The following ABCA10 variants were observed in gnomAD, a reference collection of about 807,000 sequenced individuals.
ABCA10 encodes the protein ATP-binding cassette sub-family A member 10.
In ABCA10, 169 loss-of-function variants were observed where a neutral mutation model predicts 187.5. The observed-to-expected ratio is 0.90, with a 90% CI of 0.80 to 1.02. The LOEUF is 1.02. Ranked by LOEUF, ABCA10 falls within the 50% of genes least tolerant of loss-of-function variation. The probability of loss-of-function intolerance (pLI) is 0.00; values close to 1 mark genes in which losing one functional copy is unlikely to be tolerated. For missense variants in ABCA10, 1,727 were observed against 1,812.4 expected, an observed-to-expected ratio of 0.95 and a Z score of 0.86; for synonymous variants, 574 against 601.8, an observed-to-expected ratio of 0.95 and a Z score of 0.68.
rs185947290 is a variant in ABCA10 at position 69,164,127 on chromosome 17, G to C, written c.3310C>G (p.Leu1104Val). The C allele has an allele frequency of 1.6e-5, 26 of 1,586,320 alleles. No homozygotes were observed. The highest frequency in any genetic ancestry group is 2.1e-5 in the Non-Finnish European group (25 of 1,170,542). ...TTGACTTCATTTATTCTATTGTCCA[G>C]ACTGTCCAAGTTTCTCATAAAGTCG... The part of the protein sequence containing the change: ...QLDFMRNLDS[L>V]DNRINEVNKT... Residue 1104 changes from leucine to valine, a missense_variant, in exon 27 of 39, where the codon CTG becomes GTG. Physicochemically the swap from Leu to Val is conservative, Grantham distance 32 (BLOSUM62 1). Coordinates refer to ENST00000690296, the MANE Select transcript of ABCA10 (RefSeq NM_001377321.1).
intron 1 of ABCA10, among the ~76,000 whole-genome samples, chr17:69,243,079 C>A (rs978610260): frequency 6.6e-6 from 1 of 152,116 alleles, no homozygotes; most frequent in African/African-American, 2.4e-5. Flanking sequence ...AACTGAGAAA[C>A]CTAATTAGCA....
intron 36 of ABCA10, among the ~76,000 whole-genome samples, 157 bp downstream of exon 36, chr17:69,151,886 A>C (rs972506589): frequency 2.0e-5 from 3 of 152,150 alleles, no homozygotes; most frequent in African/African-American, 7.2e-5. Context: ...ATAACTGTTT[A>C]GTTTTTGTAA....
intron 22 of ABCA10, among the ~76,000 whole-genome samples, chr17:69,181,140 T>C (rs1311793622): frequency 1.3e-5 from 2 of 152,166 alleles, no homozygotes; most frequent in African/African-American, 4.8e-5. Flanking sequence ...CATATACATA[T>C]GTGGGTGTGT....
chr17:69,160,919 G>T (rs539135703), intron 27 of ABCA10, among the ~76,000 whole-genome samples: 1 of 152,254 alleles, frequency 6.6e-6, no homozygotes, highest in South Asian at 2.1e-4. Flanking sequence ...TATTTATCCA[G>T]AAGAACTGAA....
chr17:69,154,402 C>T lies in ABCA10; in HGVS notation c.3695-76G>A, dbSNP rs1267587513. 9.9e-6 allele frequency: 7 copies of T among 706,012 alleles called. 1 individual carries two copies. The Admixed American group carries it at 1.9e-4, about 20-fold the overall frequency. 43.7% of individuals were successfully genotyped at this position (706,012 alleles called of 1,614,324 possible). On this transcript the variant is annotated intron_variant, in intron 30 of 38. Coordinates refer to ENST00000690296, the MANE Select transcript of ABCA10 (RefSeq NM_001377321.1). ...TAAAATTGCTTGGTTGGTTGCATAA[C>T]ATTTTGAAACAAAATGACTTTTTTT... is the stretch of plus-strand genomic sequence containing the variant.
rs67858017 is a variant in ABCA10, at chr17:69,208,417, C to CAAAAA, written c.1006+6282_1006+6286dup. ...GAGGGGACAGGGCGAGACTCTGTCT[C>CAAAAA]AAAAAAAAAAAAAAAAAAAAAAAAG... On this transcript the variant is annotated intron_variant, in intron 9 of 38. Transcript: ENST00000690296. Among the ~76,000 whole-genome samples, 241 of 89,386 alleles carry CAAAAA rather than the reference C, an allele frequency of 2.7e-3. 9 individuals are homozygous for CAAAAA. The highest frequency in any genetic ancestry group is 0.01 in the African/African-American group (225 of 22,020). The allele number at this position is 89,386 out of a possible 152,430, so 58.6% of individuals were successfully genotyped here.
rs1023554791 is a variant in ABCA10, at chr17:69,185,518, G to T, written c.2456C>A (p.Pro819Gln). 1 of 1,613,376 alleles carries T rather than the reference G, an allele frequency of 6.2e-7. No individual in the cohort carries two copies. Among genetic ancestry groups the T allele is most frequent in the East Asian group, 2.2e-5 (1 of 44,846 alleles). ...TAACAGGCTGGTAAGAGGCGTCTTC[G>T]GGATTTGTTCCAGAGAAAGGAAATA... ...SMYFLSLEQI[P>Q]KTPLTSLLIV... Residue 819 changes from proline to glutamine, a missense_variant, in exon 20 of 39, where the codon CCG becomes CAG. Pro to Gln is a moderately conservative substitution (Grantham distance 76). Coordinates refer to ENST00000690296, the MANE Select transcript of ABCA10 (RefSeq NM_001377321.1).
Position 69,204,641 on chromosome 17 carries a change from T to G in ABCA10, c.1007-2973A>C, listed in dbSNP as rs77388078. 9.2e-3 allele frequency among the ~76,000 whole-genome samples: 1,408 copies of G among 152,340 alleles called. 16 individuals carry two copies. The highest frequency in any genetic ancestry group is 0.031 in the African/African-American group (1,294 of 41,570). On this transcript the variant is annotated intron_variant, in intron 9 of 38. Transcript: ENST00000690296. ...TGCTAACTGCAAAAGCCTTGAAGAC[T>G]CAGACTGTTTAACCCATCATAGGCT...
upstream of ABCA10, among the ~76,000 whole-genome samples, chr17:69,231,570 C>T (rs2074832227): frequency 2.6e-5 from 4 of 152,150 alleles, no homozygotes; most frequent in South Asian, 8.3e-4. Context: ...TGTATTTGTA[C>T]CATTTCCAAT....
chr17:69,152,645 G>C (rs2074139251), intron 34 of ABCA10, among the ~76,000 whole-genome samples, 164 bp from the exon 35 acceptor site: 1 of 152,108 alleles, frequency 6.6e-6, no homozygotes, highest in Non-Finnish European at 1.5e-5. Context: ...AAATTAGCCA[G>C]GCATGGTGGC....
Position 69,193,094 on chromosome 17 carries a change from A to C in ABCA10, c.1780+16T>G. The C allele has an allele frequency of 6.3e-7, 1 of 1,582,084 alleles. No homozygotes were observed. The highest frequency in any genetic ancestry group is 8.5e-7 in the Non-Finnish European group (1 of 1,169,630). The stretch of plus-strand genomic sequence containing the variant: ...ATCCTTAAATAACTAGTTGGAATAA[A>C]GAAGCCAAGAATCACCAGCCAAGAT... On this transcript the variant is annotated intron_variant, in intron 15 of 38. Coordinates refer to ENST00000690296, the MANE Select transcript of ABCA10 (RefSeq NM_001377321.1).
chr17:69,155,760 A>T lies in ABCA10; in HGVS notation c.3576+45T>A, dbSNP rs762665426. 16 of 1,588,274 alleles carry T rather than the reference A, an allele frequency of 1.0e-5. 1 individual carries two copies. In the South Asian group the frequency reaches 1.9e-4, roughly 19 times the overall value. ...CAACATCTCATCAATTCTAGAGGACAAACTATCTGAGCATTTTATTAAGGG... is the reference window on the plus strand; with the variant it reads ...CAACATCTCATCAATTCTAGAGGACTAACTATCTGAGCATTTTATTAAGGG... On this transcript the variant is annotated intron_variant, in intron 29 of 38. Transcript: ENST00000690296.
At chr17:69,194,075 C>T (rs879118157) in intron 12 of ABCA10, 86 bp from the exon 13 acceptor site, 2 of 1,305,872 alleles carry the variant, frequency 1.5e-6, no homozygotes, top group Non-Finnish European at 2.1e-6. Context: ...AGATTTTGTT[C>T]AAAAAACTTG....
Position 69,185,660 on chromosome 17 carries a change from T to G in ABCA10, c.2331-17A>C. ...ACTAGTAACCTAAGTAAAACAAAAT[T>G]ATAACATGAGTCTGAAGCAATTTTC... On this transcript the variant is annotated splice_polypyrimidine_tract_variant and intron_variant, in intron 19 of 38. Transcript: ENST00000690296. 1 of 1,565,488 alleles carries G rather than the reference T, an allele frequency of 6.4e-7. No homozygotes were observed. Among genetic ancestry groups the G allele is most frequent in the Non-Finnish European group, 8.7e-7 (1 of 1,149,044 alleles).
At chr17:69,187,532 A>G in intron 19 of ABCA10, 149 bp downstream of exon 19, 1 of 816,426 alleles carries the variant, frequency 1.2e-6, no homozygotes. Context: ...CACATGAGGC[A>G]GTCAGGCCCT....
At position 69,219,696 on chromosome 17, in the gene ABCA10, A is replaced by C; in HGVS notation, c.379T>G (p.Ser127Ala). ...CATTCATTCATAATTTCTCCCTTAG[A>C]AATGAAAGGTGGTATCTTCATATTT... ...GINMKIPPFISKGEIMNEWFH... is the reference protein window; with the variant it reads ...GINMKIPPFIAKGEIMNEWFH... The change falls in exon 6 of 39, where the codon TCT (serine) becomes GCT (alanine). Residue 127 changes from serine (S) to alanine (A), a missense_variant. Coordinates refer to ENST00000690296, the MANE Select transcript of ABCA10 (RefSeq NM_001377321.1). 6.2e-7 allele frequency: 1 copy of C among 1,612,040 alleles called. No homozygotes were observed. Among genetic ancestry groups the C allele is most frequent in the Non-Finnish European group, 8.5e-7 (1 of 1,178,924 alleles).
intron 32 of ABCA10, 73 bp downstream of exon 32, chr17:69,153,758 T>C: frequency 6.6e-7 from 1 of 1,515,320 alleles, no homozygotes; most frequent in Non-Finnish European, 8.8e-7. Context: ...TATAATTTCC[T>C]TTTAATATAT....
At chr17:69,234,071 C>T in intron 1 of ABCA10, 1 of 153,032 alleles carries the variant, frequency 6.5e-6, no homozygotes, top group Non-Finnish European at 1.5e-5. Context: ...AGGCAGCTGG[C>T]AAGCCTATCT....
chr17:69,203,450 C>T (rs1193904846), intron 9 of ABCA10, among the ~76,000 whole-genome samples: 2 of 152,150 alleles, frequency 1.3e-5, no homozygotes, highest in African/African-American at 2.4e-5. Flanking sequence ...TAGCCAAAGC[C>T]GGAAACCAGT....
Sources: allele counts gnomAD v4.1 joint callset (sites outside exome capture counted in the v4.1 genomes callset), GRCh38; gene constraint gnomAD v4.1.1; transcripts MANE v1.5; gene names NCBI Gene and HGNC (gene_info 2026-07-23, HGNC 2026-07-21).